KCNQ3: variants seen among roughly 807,000 people sequenced by gnomAD.
KCNQ3 encodes potassium voltage-gated channel subfamily KQT member 3.
Under a neutral mutation model 92.5 loss-of-function variants are expected in KCNQ3, and 30 were observed. The ratio of observed to expected loss-of-function variants is 0.32; its 90% CI spans 0.24 to 0.44. The LOEUF is 0.44. KCNQ3 is among the 20% of genes least tolerant of loss of function. The probability of loss-of-function intolerance (pLI) is 1.00; values close to 1 mark genes in which losing one functional copy is unlikely to be tolerated. For synonymous variants in KCNQ3, 450 were observed against 468.8 expected (o/e 0.96, Z 0.52); for missense variants, 913 against 1,140.3 (o/e 0.80, Z 2.87).
chr8:132,436,591 G>T (rs1248616016), intron 1 of KCNQ3, among the ~76,000 whole-genome samples: 1 of 152,108 alleles, frequency 6.6e-6, no homozygotes, highest in Non-Finnish European at 1.5e-5. Context: ...TCTTCTTCAG[G>T]CCAGGCAAAT....
At chr8:132,439,111 C>T (rs981096546) in intron 1 of KCNQ3, among the ~76,000 whole-genome samples, 2 of 151,602 alleles carry the variant, frequency 1.3e-5, no homozygotes, top group East Asian at 1.9e-4. Context: ...AGCTTTATGC[C>T]GAACCAATTT....
chr8:132,238,911 A>T (rs749913757), intron 1 of KCNQ3, among the ~76,000 whole-genome samples: 3 of 152,188 alleles, frequency 2.0e-5, no homozygotes, highest in Non-Finnish European at 2.9e-5. Flanking sequence ...TAGAAGGATA[A>T]TGAGAAGGCT....
chr8:132,403,016 C>CAAAAACAAAAAAAAAAAAAA (rs1554651755), intron 1 of KCNQ3, among the ~76,000 whole-genome samples: 1 of 67,632 alleles, frequency 1.5e-5, no homozygotes, highest in African/African-American at 8.6e-5. Context: ...GGCACCATCA[C>CAAAAACAAAAAAAAAAAAAA]AAAAAAAAAA....
chr8:132,316,481 G>T (rs1817747184), intron 1 of KCNQ3, among the ~76,000 whole-genome samples: 1 of 152,204 alleles, frequency 6.6e-6, no homozygotes, highest in Non-Finnish European at 1.5e-5. Flanking sequence ...TAGTAAAGCA[G>T]GAAAAACAGG....
At chr8:132,276,640 C>G (rs1175182178) in intron 1 of KCNQ3, among the ~76,000 whole-genome samples, 1 of 152,308 alleles carries the variant, frequency 6.6e-6, no homozygotes, top group Admixed American at 6.5e-5. Context: ...TTTTATCCTA[C>G]TCTGTTCTGC....
chr8:132,309,158 T>C (rs2130606259), intron 1 of KCNQ3, among the ~76,000 whole-genome samples: 1 of 152,282 alleles, frequency 6.6e-6, no homozygotes, highest in South Asian at 2.1e-4. Flanking sequence ...TGCCGGATGC[T>C]TCCTGCCCTT....
intron 1 of KCNQ3, among the ~76,000 whole-genome samples, chr8:132,479,265 C>T (rs1376807515): frequency 6.6e-6 from 1 of 152,102 alleles, no homozygotes; most frequent in Non-Finnish European, 1.5e-5. Flanking sequence ...GCATTTACAT[C>T]GGACTAGCAA....
At chr8:132,441,638 C>T (rs1821541095) in intron 1 of KCNQ3, among the ~76,000 whole-genome samples, 2 of 152,070 alleles carry the variant, frequency 1.3e-5, no homozygotes, top group African/African-American at 2.4e-5. Flanking sequence ...GGTATATACC[C>T]AGTAATGGGA....
chr8:132,468,771 C>A (rs1417692604), intron 1 of KCNQ3, among the ~76,000 whole-genome samples: 3 of 152,158 alleles, frequency 2.0e-5, no homozygotes, highest in Non-Finnish European at 4.4e-5. Context: ...GGTTCCCAGC[C>A]CTGAGGTCTG....
At chr8:132,155,393 G>A (rs6651173) in intron 9 of KCNQ3, among the ~76,000 whole-genome samples, 72,786 of 151,934 alleles carry the variant, frequency 0.48, 17,661 homozygotes, top group Non-Finnish European at 0.51. Context: ...CTAGCTCTAC[G>A]CCATATGGAA....
At position 132,129,766 on chromosome 8, in the gene KCNQ3, G is replaced by A; in HGVS notation, c.2115C>T (p.Asp705=). 1 of 1,614,208 alleles carries A rather than the reference G, an allele frequency of 6.2e-7. No homozygotes were observed. The highest frequency in any genetic ancestry group is 8.5e-7 in the Non-Finnish European group (1 of 1,180,044). Residue 705 remains aspartate (D), a synonymous_variant, in exon 15 of 15, where the codon GAC becomes GAT. Transcript: ENST00000388996. The surrounding 1 kb of genome is among the most constrained non-coding windows in gnomAD (Gnocchi z 5.9). The part of the protein sequence containing the change: ...PPYSFHQVTI[D]KVSPYGFFAH... ...CAAAAAACCCATAGGGGCTGACTTT[G>A]TCAATGGTCACCTGGTGGAAGCTGT...
At chr8:132,153,154 G>C (rs1825689737) in intron 9 of KCNQ3, among the ~76,000 whole-genome samples, 1 of 152,214 alleles carries the variant, frequency 6.6e-6, no homozygotes, top group African/African-American at 2.4e-5. Flanking sequence ...GAAGAAACAA[G>C]AGGGATGGGT....
chr8:132,283,521 T>G (rs950581869), intron 1 of KCNQ3, among the ~76,000 whole-genome samples: 12 of 152,206 alleles, frequency 7.9e-5, no homozygotes, highest in African/African-American at 2.7e-4. Flanking sequence ...GAGATTCCAG[T>G]GCTGGGTGGA....
intron 1 of KCNQ3, among the ~76,000 whole-genome samples, chr8:132,392,124 A>G (rs1820063441): frequency 6.6e-6 from 1 of 152,108 alleles, no homozygotes; most frequent in East Asian, 1.9e-4. Context: ...CTGGAGAAAC[A>G]TATCTGGTTA....
intron 1 of KCNQ3, among the ~76,000 whole-genome samples, chr8:132,320,959 A>G (rs942346437): frequency 6.6e-6 from 1 of 152,178 alleles, no homozygotes; most frequent in African/African-American, 2.4e-5. Flanking sequence ...GGTGCCTTTA[A>G]AAAACACATA....
At chr8:132,248,336 A>G (rs1304080359) in intron 1 of KCNQ3, among the ~76,000 whole-genome samples, 2 of 14,464 alleles carry the variant, frequency 1.4e-4, no homozygotes, top group Admixed American at 7.9e-4. Context: ...GTCTATAAGT[A>G]TATATATATA....
intron 1 of KCNQ3, among the ~76,000 whole-genome samples, chr8:132,408,040 C>A (rs1370569620): frequency 2.0e-5 from 3 of 152,110 alleles, no homozygotes; most frequent in Non-Finnish European, 2.9e-5. Context: ...TAGTTTATTA[C>A]TAGTTTATTA....
intron 1 of KCNQ3, among the ~76,000 whole-genome samples, chr8:132,368,952 T>C (rs543092492): frequency 5.3e-5 from 8 of 152,280 alleles, no homozygotes; most frequent in African/African-American, 2.4e-5. Flanking sequence ...CAGGATTCCA[T>C]ATGATGTTTA....
chr8:132,192,361 G>A (rs188650346), intron 1 of KCNQ3, among the ~76,000 whole-genome samples: 22 of 152,266 alleles, frequency 1.4e-4, no homozygotes, highest in Admixed American at 8.5e-4. Context: ...TTAGTTTCTT[G>A]CATATTTCAA....
Sources: gnomAD v4.1 joint callset for allele counts (sites outside exome capture counted in the v4.1 genomes callset) on GRCh38, gnomAD v4.1.1 for gene constraint, Gnocchi (gnomAD v3.1) non-coding constraint, MANE v1.5 for transcripts, NCBI Gene and HGNC (gene_info 2026-07-23, HGNC 2026-07-21) for gene names.